Variants in TENM3 observed in about 807,000 individuals in gnomAD.
The protein encoded by TENM3 is teneurin-3.
In TENM3, 63 loss-of-function variants were observed where a neutral mutation model predicts 255.1. The ratio of observed to expected loss-of-function variants is 0.25; its 90% CI spans 0.20 to 0.30. TENM3 has a LOEUF of 0.30. Ranked by LOEUF, TENM3 falls within the 10% of genes least tolerant of loss-of-function variation. TENM3 has a pLI of 1.00. For missense variants in TENM3, 2,929 were observed against 3,461.1 expected, an observed-to-expected ratio of 0.85 and a Z score of 3.86; for synonymous variants, 1,306 against 1,322.3, an observed-to-expected ratio of 0.99 and a Z score of 0.27.
chr4:182,442,143 C>T (rs1237390045), intron 3 of TENM3, among the ~76,000 whole-genome samples: 1 of 152,156 alleles, frequency 6.6e-6, no homozygotes, highest in Non-Finnish European at 1.5e-5. Flanking sequence ...TGTACTTCCT[C>T]TATCCACAAT....
the TENM3 span, among the ~76,000 whole-genome samples, chr4:181,974,289 C>CA: frequency 6.6e-6 from 1 of 152,268 alleles, no homozygotes; most frequent in Non-Finnish European, 1.5e-5. Flanking sequence ...CAATGCCGGC[C>CA]AGGTGCAGTG....
chr4:181,902,773 G>C, the TENM3 span, among the ~76,000 whole-genome samples: 2,838 of 152,074 alleles, frequency 0.019, 101 homozygotes, highest in African/African-American at 0.064. Context: ...AGGGGGTGGG[G>C]GGCAAGGTGA....
chr4:181,759,724 ATGTGTGTGTG>A, the TENM3 span, among the ~76,000 whole-genome samples: 67 of 146,514 alleles, frequency 4.6e-4, no homozygotes, highest in African/African-American at 1.4e-3. Flanking sequence ...CAATCAACAG[ATGTGTGTGTG>A]TGTGTGTGTG....
chr4:182,331,984 C>T (rs1030473857), intron 2 of TENM3, among the ~76,000 whole-genome samples: 4 of 151,974 alleles, frequency 2.6e-5, no homozygotes. Flanking sequence ...TAATATTAAT[C>T]GAAAATTTCA....
At chr4:182,665,542 G>A (rs532170873) in intron 6 of TENM3, among the ~76,000 whole-genome samples, 1 of 152,106 alleles carries the variant, frequency 6.6e-6, no homozygotes, top group Non-Finnish European at 1.5e-5. Context: ...AGTACATTTT[G>A]TAAGGCTATC....
upstream of TENM3, among the ~76,000 whole-genome samples, chr4:182,243,032 G>A (rs180920071): frequency 3.8e-4 from 58 of 152,342 alleles, no homozygotes; most frequent in Non-Finnish European, 1.2e-4. Context: ...CGACTATGTG[G>A]TAGAGAGGCT....
At chr4:182,470,789 C>T (rs1044505140) in intron 3 of TENM3, among the ~76,000 whole-genome samples, 1 of 152,082 alleles carries the variant, frequency 6.6e-6, no homozygotes, top group African/African-American at 2.4e-5. Context: ...TGTTGTAAGT[C>T]ATTAGAGAAC....
At chr4:182,126,019 T>C in the TENM3 span, among the ~76,000 whole-genome samples, 314 of 152,286 alleles carry the variant, frequency 2.1e-3, no homozygotes, top group African/African-American at 7.1e-3. Flanking sequence ...CACTTAAAAA[T>C]GATACCAGAT....
chr4:181,447,997 A>T, the TENM3 span, among the ~76,000 whole-genome samples: 1 of 151,790 alleles, frequency 6.6e-6, no homozygotes, highest in Non-Finnish European at 1.5e-5. Context: ...TAAGTGTGCA[A>T]TGCTACAAAT....
chr4:182,159,447 AGT>A (rs67981646), intron 1 of TENM3, among the ~76,000 whole-genome samples: 15,126 of 130,440 alleles, frequency 0.12, 869 homozygotes, highest in African/African-American at 0.15. Flanking sequence ...AGTGTGTATG[AGT>A]GTGTGTGTGT....
intron 4 of TENM3, among the ~76,000 whole-genome samples, chr4:182,615,257 A>G (rs965356801): frequency 6.6e-6 from 1 of 151,428 alleles, no homozygotes; most frequent in Non-Finnish European, 1.5e-5. Context: ...TCATACAGGT[A>G]ATAAGTTGAA....
the TENM3 span, among the ~76,000 whole-genome samples, chr4:181,788,293 G>C: frequency 1.3e-5 from 2 of 152,126 alleles, no homozygotes; most frequent in South Asian, 2.1e-4. Context: ...TAAGTACCTA[G>C]CACTGTGCTG....
the TENM3 span, among the ~76,000 whole-genome samples, chr4:181,505,033 G>T: frequency 6.6e-6 from 1 of 152,144 alleles, no homozygotes; most frequent in South Asian, 2.1e-4. Context: ...GCCAGGTGTG[G>T]GCCGGGCAGA....
chr4:181,872,325 A>T, the TENM3 span, among the ~76,000 whole-genome samples: 2 of 148,218 alleles, frequency 1.3e-5, no homozygotes, highest in Non-Finnish European at 1.5e-5. Context: ...TACTTTTTTT[A>T]AACTTTTATT....
the TENM3 span, among the ~76,000 whole-genome samples, chr4:181,451,903 A>G: frequency 6.6e-6 from 1 of 152,012 alleles, no homozygotes; most frequent in Non-Finnish European, 1.5e-5. Context: ...CAAAGAGAGA[A>G]CATAGGGAGA....
chr4:182,095,165 G>A, the TENM3 span, among the ~76,000 whole-genome samples: 3 of 152,068 alleles, frequency 2.0e-5, no homozygotes, highest in South Asian at 2.1e-4. Context: ...TCCAGCAATC[G>A]CACTGCTGGG....
intron 3 of TENM3, among the ~76,000 whole-genome samples, chr4:182,599,374 G>A (rs1747601189): frequency 6.6e-6 from 1 of 152,104 alleles, no homozygotes; most frequent in Non-Finnish European, 1.5e-5. Flanking sequence ...GCAGTTTCTG[G>A]TATGGGAAAT....
chr4:182,196,104 A>C lies in TENM3; in HGVS notation c.-76+51350A>C, dbSNP rs1300935901. ...AGTGTCTCACTGCTTGGAGTCTCCT[A>C]AGCATTCTCCCTGCAGGACACCAGG... is the stretch of plus-strand genomic sequence containing the variant. On this transcript the variant is annotated intron_variant, in intron 1 of 2. Transcript: ENST00000512480. 3.9e-5 allele frequency among the ~76,000 whole-genome samples: 6 copies of C among 152,146 alleles called. No homozygotes were observed. The East Asian group carries it at 1.2e-3, about 30-fold the overall frequency.
the TENM3 span, among the ~76,000 whole-genome samples, chr4:181,501,455 C>T: frequency 5.2e-4 from 79 of 151,694 alleles, 1 homozygote; most frequent in African/African-American, 1.7e-3. Context: ...CTCAGCTCAC[C>T]GCAACCTCCG....
Sources: gnomAD v4.1 joint callset for allele counts (sites outside exome capture counted in the v4.1 genomes callset) on GRCh38, gnomAD v4.1.1 for gene constraint, MANE v1.5 for transcripts, NCBI Gene and HGNC (gene_info 2026-07-23, HGNC 2026-07-21) for gene names.